TVP23A: variants seen among roughly 807,000 people sequenced by gnomAD.
TVP23A encodes trans-golgi network vesicle protein 23 homolog A.
In TVP23A, 21 loss-of-function variants were observed where a neutral mutation model predicts 31.7. That is an observed-to-expected ratio of 0.66 (90% CI 0.47 to 0.95). TVP23A has a LOEUF of 0.95. Among genes scored for constraint, TVP23A ranks in the 40% least tolerant of loss-of-function variants. TVP23A has a pLI of 0.00. For synonymous variants in TVP23A, 104 were observed against 96.0 expected (o/e 1.08, Z -0.49); for missense variants, 279 against 255.6 (o/e 1.09, Z -0.62).
chr16:10,818,102 C>T lies in TVP23A; in HGVS notation c.89+1G>A, dbSNP rs770583853. 1.2e-6 allele frequency: 2 copies of T among 1,606,962 alleles called. No homozygotes were observed. The highest frequency in any genetic ancestry group is 4.5e-5 in the East Asian group (2 of 44,760). Reference sequence around the variant, plus strand: ...CTGACCCAAGCTCCATCCCAACACACCTGATCTTGGCTTTCCTAAAGGCCA... The same window carrying T: ...CTGACCCAAGCTCCATCCCAACACATCTGATCTTGGCTTTCCTAAAGGCCA... On this transcript the variant is annotated splice_donor_variant, in intron 2 of 7. Coordinates refer to ENST00000299866, the MANE Select transcript of TVP23A (RefSeq NM_001079512.4). LOFTEE classifies it high-confidence loss of function. This position sits in a 1 kb window ranked among gnomAD's most constrained non-coding sequence, Gnocchi z 4.7.
At chr16:10,785,827 A>G (rs2032721343) in intron 2 of TVP23A, among the ~76,000 whole-genome samples, 1 of 152,114 alleles carries the variant, frequency 6.6e-6, no homozygotes, top group Admixed American at 6.5e-5. Context: ...GCAGCCTCTG[A>G]TTTGCTCTGG....
At chr16:10,797,508 C>T (rs529354369) in intron 2 of TVP23A, among the ~76,000 whole-genome samples, 17 of 151,276 alleles carry the variant, frequency 1.1e-4, no homozygotes, top group Admixed American at 1.3e-4. Flanking sequence ...GCTGAGATCA[C>T]GCCATTGCAC....
Position 10,818,496 on chromosome 16 carries a change from C to G in TVP23A, c.-3G>C, listed in dbSNP as rs1288480843. 1 of 1,604,422 alleles carries G rather than the reference C, an allele frequency of 6.2e-7. No homozygotes were observed. The highest frequency in any genetic ancestry group is 8.5e-7 in the Non-Finnish European group (1 of 1,178,744). ...CCCCGAGGCCCTACCTGCTTCATCA[C>G]CCTCCCAGGAGCCCACCTGGCGCCC... On this transcript the variant is annotated 5_prime_UTR_variant, in exon 1 of 8. Coordinates refer to ENST00000299866, the MANE Select transcript of TVP23A (RefSeq NM_001079512.4). The surrounding 1 kb of genome is among the most constrained non-coding windows in gnomAD (Gnocchi z 4.7).
rs2032304974 is a variant in TVP23A at position 10,779,753 on chromosome 16, C to A, written c.90-4657G>T. 6.6e-6 allele frequency among the ~76,000 whole-genome samples: 1 copy of A among 152,192 alleles called. No individual in the cohort carries two copies. Among genetic ancestry groups the A allele is most frequent in the South Asian group, 2.1e-4 (1 of 4,824 alleles). On this transcript the variant is annotated intron_variant, in intron 2 of 7. Coordinates refer to ENST00000299866, the MANE Select transcript of TVP23A (RefSeq NM_001079512.4). The surrounding 1 kb of genome is among the most constrained non-coding windows in gnomAD (Gnocchi z 4.9). ...TACCAAGTTTTCCAGAGCTTATATACCTTCTGAGCTATATGTCATGGATAA... is the reference window on the plus strand; with the variant it reads ...TACCAAGTTTTCCAGAGCTTATATAACTTCTGAGCTATATGTCATGGATAA...
chr16:10,812,876 T>G (rs921664923), intron 2 of TVP23A, among the ~76,000 whole-genome samples: 18 of 151,930 alleles, frequency 1.2e-4, no homozygotes, highest in African/African-American at 4.4e-4. Flanking sequence ...ACGCTGTGGG[T>G]TTTTTTTAAT....
chr16:10,818,547 T>A lies in TVP23A; in HGVS notation c.-54A>T, dbSNP rs1234627526. 5 of 1,585,674 alleles carry A rather than the reference T, an allele frequency of 3.2e-6. No individual in the cohort carries two copies. Among genetic ancestry groups the A allele is most frequent in the Non-Finnish European group, 4.3e-6 (5 of 1,172,658 alleles). On this transcript the variant is annotated 5_prime_UTR_variant, in exon 1 of 8. Coordinates refer to ENST00000299866, the MANE Select transcript of TVP23A (RefSeq NM_001079512.4). The surrounding 1 kb of genome is among the most constrained non-coding windows in gnomAD (Gnocchi z 4.7). ...AGGCCCGGGGCTCCAGCTCCGCCCGTCGCCGCTGAAGGGGTCGGACGCCGG... is the reference window on the plus strand; with the variant it reads ...AGGCCCGGGGCTCCAGCTCCGCCCGACGCCGCTGAAGGGGTCGGACGCCGG...
Position 10,818,067 on chromosome 16 carries a change from TG to T in TVP23A, c.89+35del. The T allele has an allele frequency of 6.5e-7, 1 of 1,548,752 alleles. No homozygotes were observed. On this transcript the variant is annotated intron_variant, in intron 2 of 7. Coordinates refer to ENST00000299866, the MANE Select transcript of TVP23A (RefSeq NM_001079512.4). The surrounding 1 kb of genome is among the most constrained non-coding windows in gnomAD (Gnocchi z 4.7). ...GAGTAAATGAATGAATTTGCAGCTTTGGGGAACGCCTGACCCAAGCTCCATC... is the reference window on the plus strand; with the variant it reads ...GAGTAAATGAATGAATTTGCAGCTTTGGGAACGCCTGACCCAAGCTCCATC...
chr16:10,775,117 C>A, intron 2 of TVP23A, 21 bp from the exon 3 acceptor site: 1 of 1,596,860 alleles, frequency 6.3e-7, no homozygotes, highest in Non-Finnish European at 8.5e-7. Context: ...ACCCAGAAGG[C>A]GCCCTCACTC....
At chr16:10,811,593 A>AAC (rs372503368) in intron 2 of TVP23A, among the ~76,000 whole-genome samples, 2,922 of 150,942 alleles carry the variant, frequency 0.019, 32 homozygotes, top group South Asian at 0.04. Flanking sequence ...TATTAAATTA[A>AAC]ACACACACAC....
intron 2 of TVP23A, among the ~76,000 whole-genome samples, chr16:10,792,570 A>C (rs1000511193): frequency 6.6e-6 from 1 of 152,230 alleles, no homozygotes; most frequent in Non-Finnish European, 1.5e-5. Context: ...TCCATTTGCA[A>C]GATGAACTCA....
At chr16:10,804,104 T>C (rs1235270114) in intron 2 of TVP23A, among the ~76,000 whole-genome samples, 1 of 152,010 alleles carries the variant, frequency 6.6e-6, no homozygotes, top group African/African-American at 2.4e-5. Context: ...TCTGGGTGAG[T>C]GGCCTTGGAT....
chr16:10,808,687 G>A, intron 2 of TVP23A: 1 of 369,286 alleles, frequency 2.7e-6, no homozygotes, highest in South Asian at 2.0e-5. Flanking sequence ...TGAGAAGGGA[G>A]GATTGCTTGA....
At chr16:10,803,216 G>A (rs547402960) in intron 2 of TVP23A, among the ~76,000 whole-genome samples, 4 of 148,766 alleles carry the variant, frequency 2.7e-5, no homozygotes, top group South Asian at 4.2e-4. Flanking sequence ...CCCAGGAGGC[G>A]GAGGTTGCAG....
intron 2 of TVP23A, among the ~76,000 whole-genome samples, chr16:10,790,678 A>G (rs2033055947): frequency 6.6e-6 from 1 of 152,204 alleles, no homozygotes; most frequent in Non-Finnish European, 1.5e-5. Flanking sequence ...AGGGTTAAAT[A>G]AAACCTATCT....
At position 10,768,694 on chromosome 16, in the gene TVP23A, GC is replaced by G. The variant is rs2031265592; in HGVS notation, c.*407del. ...ATTCAGCCAGTGGCAGCCATCAGAG[GC>G]CCCAGAGTTAGGGCAGAGGTGTCAG... On this transcript the variant is annotated 3_prime_UTR_variant, in exon 8 of 8. Transcript: ENST00000299866. The surrounding 1 kb of genome is among the most constrained non-coding windows in gnomAD (Gnocchi z 4.3). The G allele has an allele frequency of 8.9e-6, 2 of 223,704 alleles. No homozygotes were observed. Among genetic ancestry groups the G allele is most frequent in the Non-Finnish European group, 1.7e-5 (2 of 116,100 alleles). The allele number at this position is 223,704 out of a possible 1,614,324, so 13.9% of individuals were successfully genotyped here. A position where few individuals can be genotyped will look rare whatever the true frequency, so the allele number is the denominator to read the frequency against.
In TVP23A at chr16:10,774,996, C is replaced by A; in HGVS notation, c.190G>T (p.Val64Phe). ...WFSKSFVGCF[V>F]MVLLLLSLDF... ...AGGGACAGGAGGAGCAGCACCATGA[C>A]AAAACAGCCCACAAAGCTCTTGCTG... Residue 64 changes from valine (V) to phenylalanine (F), a missense_variant, in exon 3 of 8, where the codon GTC becomes TTC. Coordinates refer to ENST00000299866, the MANE Select transcript of TVP23A (RefSeq NM_001079512.4). The A allele has an allele frequency of 6.2e-7, 1 of 1,612,944 alleles. No homozygotes were observed. The highest frequency in any genetic ancestry group is 8.5e-7 in the Non-Finnish European group (1 of 1,179,426).
intron 5 of TVP23A, 147 bp from the exon 6 acceptor site, chr16:10,771,945 A>C (rs954343761): frequency 4.5e-6 from 5 of 1,115,390 alleles, no homozygotes; most frequent in Admixed American, 2.5e-5. Context: ...CAGCCTCCCG[A>C]GTAGCTGGGA....
At chr16:10,802,012 T>C (rs1046686720) in intron 2 of TVP23A, among the ~76,000 whole-genome samples, 1 of 151,494 alleles carries the variant, frequency 6.6e-6, no homozygotes, top group Non-Finnish European at 1.5e-5. Context: ...AAATAAAAAA[T>C]AAATTTAAAA....
In TVP23A at chr16:10,818,643, G is replaced by A. The variant is rs896902667; in HGVS notation, c.-150C>T. On this transcript the variant is annotated 5_prime_UTR_variant, in exon 1 of 8. Transcript: ENST00000299866. The surrounding 1 kb of genome is among the most constrained non-coding windows in gnomAD (Gnocchi z 4.7). ...CTGCGCCCTGTGGGGCAGCCTCAGCGCAGCTTCTCGGGTGGGGCGGGGCGC... is the reference window on the plus strand; with the variant it reads ...CTGCGCCCTGTGGGGCAGCCTCAGCACAGCTTCTCGGGTGGGGCGGGGCGC... 8.0e-6 allele frequency: 8 copies of A among 997,952 alleles called. No individual in the cohort carries two copies. In the East Asian group the frequency reaches 1.9e-4, roughly 23 times the overall value. 61.8% of individuals were successfully genotyped at this position (997,952 alleles called of 1,614,324 possible). A position where few individuals can be genotyped will look rare whatever the true frequency, so the allele number is the denominator to read the frequency against.
Sources: gnomAD v4.1 joint callset for allele counts (sites outside exome capture counted in the v4.1 genomes callset) on GRCh38, gnomAD v4.1.1 for gene constraint, Gnocchi (gnomAD v3.1) non-coding constraint, MANE v1.5 for transcripts, NCBI Gene and HGNC (gene_info 2026-07-23, HGNC 2026-07-21) for gene names.